RPH3AL: variants seen among roughly 807,000 people sequenced by gnomAD.
RPH3AL encodes rab effector Noc2.
Under a neutral mutation model 43.1 loss-of-function variants are expected in RPH3AL, and 38 were observed. The ratio of observed to expected loss-of-function variants is 0.88; its 90% CI spans 0.68 to 1.15. RPH3AL has a LOEUF of 1.15. RPH3AL is among the 50% of genes most tolerant of loss of function. RPH3AL has a pLI of 0.00. For synonymous variants in RPH3AL, 189 were observed against 176.3 expected (o/e 1.07, Z -0.57); for missense variants, 462 against 423.2 (o/e 1.09, Z -0.81).
At chr17:329,761 G>A (rs1037045986) in intron 2 of RPH3AL, among the ~76,000 whole-genome samples, 9 of 152,082 alleles carry the variant, frequency 5.9e-5, no homozygotes, top group Admixed American at 1.3e-4. Context: ...TTTCATTCAC[G>A]CATTTGTGGC....
intron 5 of RPH3AL, among the ~76,000 whole-genome samples, chr17:310,167 G>A (rs185824901): frequency 4.6e-5 from 7 of 152,242 alleles, no homozygotes; most frequent in African/African-American, 1.7e-4. Context: ...CTCAAAGCTG[G>A]CTGACTCAGA....
In RPH3AL at chr17:215,618, G is replaced by A. The variant is rs1166998237; in HGVS notation, c.876+36C>T. On this transcript the variant is annotated intron_variant, in intron 9 of 9. Coordinates refer to ENST00000331302, the MANE Select transcript of RPH3AL (RefSeq NM_006987.4). The surrounding 1 kb of genome is among the most constrained non-coding windows in gnomAD (Gnocchi z 4.1). ...AGTGAGAGAGGACACGGCCGCGGGG[G>A]CAGGAGAGGGGAGAAGGCAGCAGTT... 5 of 1,258,402 alleles carry A rather than the reference G, an allele frequency of 4.0e-6. No individual in the cohort carries two copies. The highest frequency in any genetic ancestry group is 4.0e-6 in the Non-Finnish European group (4 of 996,858). The allele number at this position is 1,258,402 out of a possible 1,614,324, so 78.0% of individuals were successfully genotyped here. A position where few individuals can be genotyped will look rare whatever the true frequency, so the allele number is the denominator to read the frequency against.
chr17:307,048 C>G (rs1444051813), intron 5 of RPH3AL, among the ~76,000 whole-genome samples: 1 of 152,084 alleles, frequency 6.6e-6, no homozygotes, highest in Non-Finnish European at 1.5e-5. Context: ...GGGCCTCCCC[C>G]ACCTCCCCAG....
intron 5 of RPH3AL, among the ~76,000 whole-genome samples, chr17:315,539 C>T (rs1555520058): frequency 1.3e-5 from 2 of 152,202 alleles, no homozygotes; most frequent in African/African-American, 4.8e-5. Flanking sequence ...TGTGCTCCCA[C>T]CTCCATTGAC....
chr17:270,746 G>C (rs1161201693), intron 6 of RPH3AL, among the ~76,000 whole-genome samples: 1 of 152,020 alleles, frequency 6.6e-6, no homozygotes, highest in East Asian at 1.9e-4. Context: ...TTTGATCATA[G>C]TTTCCTTTGC....
chr17:304,701 T>G (rs1456549957), intron 5 of RPH3AL, among the ~76,000 whole-genome samples: 3 of 152,098 alleles, frequency 2.0e-5, no homozygotes, highest in African/African-American at 7.2e-5. Context: ...CTGCAAACCT[T>G]GAGGGACGCC....
At chr17:271,186 G>A (rs2042455001) in intron 6 of RPH3AL, among the ~76,000 whole-genome samples, 1 of 152,218 alleles carries the variant, frequency 6.6e-6, no homozygotes, top group South Asian at 2.1e-4. Flanking sequence ...TAGCCTTGTA[G>A]TATAGTCTGA....
chr17:325,855 C>T (rs2044606966), intron 3 of RPH3AL, among the ~76,000 whole-genome samples: 1 of 152,186 alleles, frequency 6.6e-6, no homozygotes, highest in Admixed American at 6.5e-5. Flanking sequence ...CCACGGGACA[C>T]AGCTCCCAGC....
intron 6 of RPH3AL, among the ~76,000 whole-genome samples, chr17:258,144 G>C (rs2042106499): frequency 6.6e-6 from 1 of 152,222 alleles, no homozygotes; most frequent in Admixed American, 6.5e-5. Flanking sequence ...TTTGTCGTCT[G>C]TTCATAGGTA....
At chr17:321,552 C>T in intron 3 of RPH3AL, 137 bp from the exon 4 acceptor site, 1 of 1,015,946 alleles carries the variant, frequency 9.8e-7, no homozygotes, top group Non-Finnish European at 1.4e-6. Context: ...CGAGCGCGGG[C>T]AGCAGAGATG....
chr17:293,480 C>T lies in RPH3AL; in HGVS notation c.352-11626G>A, dbSNP rs1038813839. On this transcript the variant is annotated intron_variant, in intron 5 of 9. Transcript: ENST00000331302. The stretch of plus-strand genomic sequence containing the variant: ...CCAGGATGGCTGGGGGCCGGGGCTC[C>T]GGGGGTGGGGCAGCGGGGTCCAGGG... Among the ~76,000 whole-genome samples the T allele has an allele frequency of 3.9e-5, 4 of 101,852 alleles. No individual in the cohort carries two copies. In the South Asian group the frequency reaches 1.3e-3, roughly 34 times the overall value. 66.8% of individuals were successfully genotyped at this position (101,852 alleles called of 152,430 possible). A position where few individuals can be genotyped will look rare whatever the true frequency, so the allele number is the denominator to read the frequency against.
intron 8 of RPH3AL, among the ~76,000 whole-genome samples, chr17:219,342 G>T (rs12165023): frequency 0.054 from 8,056 of 150,450 alleles, 268 homozygotes; most frequent in Middle Eastern, 0.09. Flanking sequence ...GGGATTACAG[G>T]CACCCGCCAC....
intron 6 of RPH3AL, among the ~76,000 whole-genome samples, chr17:263,476 G>A (rs1164496842): frequency 6.6e-6 from 1 of 152,198 alleles, no homozygotes; most frequent in African/African-American, 2.4e-5. Context: ...TGACGCGGTG[G>A]CAAGGAGCCG....
At chr17:270,395 C>T in intron 6 of RPH3AL, among the ~76,000 whole-genome samples, 1 of 152,220 alleles carries the variant, frequency 6.6e-6, no homozygotes, top group East Asian at 1.9e-4. Flanking sequence ...GCTAGCACGG[C>T]CAGTTCCCAC....
intron 1 of RPH3AL, among the ~76,000 whole-genome samples, chr17:345,672 ATCTGCGCGCACACCCTGCTGGGGCACGCG>A (rs1567541405): frequency 0.012 from 900 of 77,094 alleles, 197 homozygotes; most frequent in Non-Finnish European, 0.026. Context: ...CGTGCTCCCC[ATCTGCGCGCACACCCTGCTGGGGCACGCG>A]TGCTCCCCAT....
chr17:316,021 C>T (rs1437573710), intron 5 of RPH3AL, among the ~76,000 whole-genome samples: 17 of 29,722 alleles, frequency 5.7e-4, no homozygotes, highest in Middle Eastern at 0.077. Flanking sequence ...AGTCCCTGTG[C>T]CCCCACCTCC....
intron 6 of RPH3AL, among the ~76,000 whole-genome samples, chr17:267,333 T>C (rs1380863909): frequency 6.6e-6 from 1 of 152,204 alleles, no homozygotes; most frequent in Non-Finnish European, 1.5e-5. Context: ...GCAGGCCTGT[T>C]ACAATGGTGA....
chr17:264,276 CGCGAGCGCTGG>C lies in RPH3AL; in HGVS notation c.439-17002_439-16992del, dbSNP rs1567596788. Reference sequence around the variant, plus strand: ...TGACAGCAGGATTACCCTTCGGAGCCGCGAGCGCTGGATGGGGACTCAGAATCCGCAGCACG... The same window carrying C: ...TGACAGCAGGATTACCCTTCGGAGCCATGGGGACTCAGAATCCGCAGCACG... On this transcript the variant is annotated intron_variant, in intron 6 of 9. Transcript: ENST00000331302. This position sits in a 1 kb window ranked among gnomAD's most constrained non-coding sequence, Gnocchi z 4.8. 2.3e-4 allele frequency among the ~76,000 whole-genome samples: 34 copies of C among 150,848 alleles called. 5 individuals are homozygous for C. Among genetic ancestry groups the C allele is most frequent in the African/African-American group, 5.7e-4 (23 of 40,616 alleles).
At chr17:335,368 T>C (rs1278841127) in intron 1 of RPH3AL, among the ~76,000 whole-genome samples, 1 of 152,096 alleles carries the variant, frequency 6.6e-6, no homozygotes, top group African/African-American at 2.4e-5. Flanking sequence ...GGACGCCAGT[T>C]GGTGTCGGCC....
Sources: allele counts gnomAD v4.1 joint callset (sites outside exome capture counted in the v4.1 genomes callset), GRCh38; gene constraint gnomAD v4.1.1; non-coding constraint Gnocchi (gnomAD v3.1); transcripts MANE v1.5; gene names NCBI Gene and HGNC (gene_info 2026-07-23, HGNC 2026-07-21).